Variants in XXYLT1 observed in about 807,000 individuals in gnomAD.
XXYLT1 encodes the protein xyloside xylosyltransferase 1, also known as UDP-xylose:alpha-xyloside alpha-1,3-xylosyltransferase.
A neutral mutation model predicts 28.9 loss-of-function variants in XXYLT1; 20 were observed. The ratio of observed to expected loss-of-function variants is 0.69; its 90% CI spans 0.49 to 1.00. The LOEUF is 1.00. XXYLT1 is among the 50% of genes least tolerant of loss of function. XXYLT1 has a pLI of 0.00. For synonymous variants in XXYLT1, 257 were observed against 253.8 expected, an observed-to-expected ratio of 1.01 and a Z score of -0.12; for missense variants, 542 against 560.1, an observed-to-expected ratio of 0.97 and a Z score of 0.33.
chr3:195,225,673 T>G (rs553938460), intron 2 of XXYLT1, among the ~76,000 whole-genome samples: 3 of 152,098 alleles, frequency 2.0e-5, no homozygotes, highest in South Asian at 4.2e-4. Context: ...GGTTTGGCTG[T>G]GTCCCCACCC....
rs143126365 is a variant in XXYLT1, at chr3:195,108,971, C to A, written c.786-38860G>T. ...CTATTATCTTGTGAGGTAAGCACTA[C>A]TTCAGAGCTTTACCTGTATTTTCTT... On this transcript the variant is annotated intron_variant, in intron 3 of 3. Transcript: ENST00000310380. Among the ~76,000 whole-genome samples the A allele has an allele frequency of 2.6e-5, 4 of 152,312 alleles. No homozygotes were observed. In the East Asian group the frequency reaches 7.7e-4, roughly 29 times the overall value.
chr3:195,235,230 G>C (rs773254236), intron 1 of XXYLT1, among the ~76,000 whole-genome samples: 2 of 151,940 alleles, frequency 1.3e-5, no homozygotes, highest in Non-Finnish European at 1.5e-5. Context: ...CTCTAACTGT[G>C]TATTTTCACA....
chr3:195,081,388 C>T (rs1045179280), intron 3 of XXYLT1, among the ~76,000 whole-genome samples: 1 of 152,186 alleles, frequency 6.6e-6, no homozygotes, highest in Non-Finnish European at 1.5e-5. Context: ...GAGCAGGGCC[C>T]GGGGACAGGC....
chr3:195,167,364 A>G (rs1313467979), intron 2 of XXYLT1, among the ~76,000 whole-genome samples: 2 of 152,026 alleles, frequency 1.3e-5, no homozygotes, highest in Admixed American at 6.6e-5. Flanking sequence ...GCCGAGGCGG[A>G]TGGATCACCT....
intron 1 of XXYLT1, among the ~76,000 whole-genome samples, chr3:195,227,369 G>A (rs929478832): frequency 2.0e-5 from 3 of 152,198 alleles, no homozygotes; most frequent in Non-Finnish European, 2.9e-5. Flanking sequence ...TGAACAAGGA[G>A]AGGGTCTGGC....
intron 3 of XXYLT1, among the ~76,000 whole-genome samples, chr3:195,106,996 C>T (rs543710051): frequency 2.1e-3 from 322 of 152,320 alleles, no homozygotes; most frequent in African/African-American, 7.4e-3. Context: ...CAATCAGAGG[C>T]TCCACAGAAT....
At chr3:195,110,221 G>A (rs1329818397) in intron 3 of XXYLT1, among the ~76,000 whole-genome samples, 12 of 47,780 alleles carry the variant, frequency 2.5e-4, no homozygotes, top group African/African-American at 7.2e-4. Context: ...TGCGTGTGTG[G>A]TGTATAAGTG....
chr3:195,174,713 T>C (rs890031538), intron 2 of XXYLT1, among the ~76,000 whole-genome samples: 2 of 129,852 alleles, frequency 1.5e-5, no homozygotes, highest in Non-Finnish European at 3.2e-5. Context: ...CTTTCTCTTC[T>C]TCCTCTTCCT....
intron 3 of XXYLT1, among the ~76,000 whole-genome samples, chr3:195,104,652 G>A (rs1000044717): frequency 1.7e-4 from 26 of 152,220 alleles, no homozygotes; most frequent in African/African-American, 6.0e-4. Flanking sequence ...GTTCAGCTGA[G>A]GCCAGGGGTT....
intron 3 of XXYLT1, among the ~76,000 whole-genome samples, chr3:195,113,636 G>A (rs1362731394): frequency 6.6e-6 from 1 of 152,074 alleles, no homozygotes; most frequent in African/African-American, 2.4e-5. Flanking sequence ...TCTGTTTCAT[G>A]AGCTTTTTGC....
chr3:195,263,422 G>A (rs940511041), intron 1 of XXYLT1, among the ~76,000 whole-genome samples: 1 of 152,174 alleles, frequency 6.6e-6, no homozygotes, highest in African/African-American at 2.4e-5. Context: ...CATTAAGAGG[G>A]ATTCATGCCT....
At position 195,257,066 on chromosome 3, in the gene XXYLT1, C is replaced by T. The variant is rs959526797; in HGVS notation, c.504+13489G>A. Among the ~76,000 whole-genome samples, 38 of 152,200 alleles carry T rather than the reference C, an allele frequency of 2.5e-4. No individual in the cohort carries two copies. The highest frequency in any genetic ancestry group is 5.2e-4 in the Admixed American group (8 of 15,290). The stretch of plus-strand genomic sequence containing the variant: ...CTGGATGACTTTCTGCAGGAGAACC[C>T]GTGACAAGAGGGACCGGGAAGCTTT... On this transcript the variant is annotated intron_variant, in intron 1 of 3. Coordinates refer to ENST00000310380, the MANE Select transcript of XXYLT1 (RefSeq NM_152531.5). The surrounding 1 kb of genome is among the most constrained non-coding windows in gnomAD (Gnocchi z 4.3).
At chr3:195,187,619 C>A (rs997110273) in intron 2 of XXYLT1, among the ~76,000 whole-genome samples, 2 of 152,198 alleles carry the variant, frequency 1.3e-5, no homozygotes, top group East Asian at 3.8e-4. Flanking sequence ...TGGGATTCCA[C>A]CCCTGGACAT....
intron 1 of XXYLT1, among the ~76,000 whole-genome samples, chr3:195,262,082 C>T (rs573909696): frequency 6.6e-6 from 1 of 152,304 alleles, no homozygotes; most frequent in African/African-American, 2.4e-5. Context: ...AGCCTCAAAG[C>T]GGAAACAACC....
intron 2 of XXYLT1, among the ~76,000 whole-genome samples, chr3:195,196,231 TAAAC>T (rs10556482): frequency 0.051 from 7,788 of 152,234 alleles, 605 homozygotes; most frequent in African/African-American, 0.18. Flanking sequence ...TTTAATTAAT[TAAAC>T]AAAAATGGCC....
intron 1 of XXYLT1, among the ~76,000 whole-genome samples, chr3:195,266,349 G>C (rs1447140623): frequency 6.6e-6 from 1 of 152,050 alleles, no homozygotes; most frequent in African/African-American, 2.4e-5. Flanking sequence ...ACAAAAACTA[G>C]CTGGGTGTGG....
intron 3 of XXYLT1, chr3:195,152,833 A>C (rs1006447433): frequency 6.6e-6 from 1 of 152,258 alleles, no homozygotes; most frequent in Non-Finnish European, 1.5e-5. Context: ...TTCCAGATTA[A>C]AATGTGTCTG....
intron 1 of XXYLT1, among the ~76,000 whole-genome samples, chr3:195,265,061 C>CAA (rs796185827): frequency 1.5e-3 from 212 of 138,894 alleles, no homozygotes; most frequent in African/African-American, 5.4e-3. Flanking sequence ...AACCCTATCT[C>CAA]AAAAAAAAAA....
chr3:195,191,564 G>C (rs1436502902), intron 2 of XXYLT1, among the ~76,000 whole-genome samples: 1 of 152,160 alleles, frequency 6.6e-6, no homozygotes, highest in Admixed American at 6.5e-5. Context: ...AAAGTTATGG[G>C]GGGTTGGCAC....
Sources: gnomAD v4.1 joint callset for allele counts (sites outside exome capture counted in the v4.1 genomes callset) on GRCh38, gnomAD v4.1.1 for gene constraint, Gnocchi (gnomAD v3.1) non-coding constraint, MANE v1.5 for transcripts, NCBI Gene and HGNC (gene_info 2026-07-23, HGNC 2026-07-21) for gene names.